FBN1: variants seen among roughly 807,000 people sequenced by gnomAD.
The protein encoded by FBN1 is fibrillin-1.
Under a neutral mutation model 365.1 loss-of-function variants are expected in FBN1, and 29 were observed. The observed-to-expected ratio is 0.08, with a 90% CI of 0.06 to 0.11. The LOEUF (loss-of-function observed/expected upper bound fraction) is 0.11, where lower values mean the gene tolerates loss of function less well. Among genes scored for constraint, FBN1 ranks in the 10% least tolerant of loss-of-function variants. FBN1 has a pLI of 1.00. For synonymous variants in FBN1, 1,210 were observed against 1,270.5 expected (o/e 0.95, Z 1.01); for missense variants, 2,476 against 3,703.2 (o/e 0.67, Z 8.60).
Position 48,421,705 on chromosome 15 carries a change from G to A in FBN1, c.7571-19C>T, listed in dbSNP as rs760480978. ...TTGTTATCTATGAGAAGCAGTGGGG[G>A]CAAAGAGGGGTTAAAATTCCCCAAA... On this transcript the variant is annotated intron_variant, in intron 61 of 65. Coordinates refer to ENST00000316623, the MANE Select transcript of FBN1 (RefSeq NM_000138.5). The A allele has an allele frequency of 1.1e-5, 17 of 1,611,562 alleles. No homozygotes were observed. Among genetic ancestry groups the A allele is most frequent in the East Asian group, 2.2e-5 (1 of 44,852 alleles).
At chr15:48,476,477 A>G (rs758037835) in intron 32 of FBN1, among the ~76,000 whole-genome samples, 3 of 152,172 alleles carry the variant, frequency 2.0e-5, no homozygotes, top group Non-Finnish European at 4.4e-5. Flanking sequence ...GAAGAAGACA[A>G]AGAAGTTGGG....
At chr15:48,602,408 G>A (rs1249296276) in intron 4 of FBN1, among the ~76,000 whole-genome samples, 2 of 152,110 alleles carry the variant, frequency 1.3e-5, no homozygotes, top group East Asian at 3.9e-4. Context: ...CCTCTTAAGT[G>A]CCTAGAGTAG....
chr15:48,495,516 T>C lies in FBN1; in HGVS notation c.2492A>G (p.Glu831Gly). The C allele has an allele frequency of 6.2e-7, 1 of 1,614,062 alleles. No individual in the cohort carries two copies. The highest frequency in any genetic ancestry group is 1.1e-5 in the South Asian group (1 of 91,068). Residue 831 changes from glutamate to glycine, a missense_variant, in exon 21 of 66, where the codon GAA becomes GGA. Glu to Gly is a moderately conservative substitution (Grantham distance 98). Transcript: ENST00000316623. ...ATCCAAAGTACTTTCAGAAGAACAT[T>C]CACAAATAAAAGAGCCTGGGCTGTT... ...CKNSPGSFIC[E>G]CSSESTLDPT...
At chr15:48,428,967 C>T (rs562181431) in intron 56 of FBN1, among the ~76,000 whole-genome samples, 3 of 152,336 alleles carry the variant, frequency 2.0e-5, no homozygotes, top group South Asian at 4.1e-4. Context: ...TCTAATGTAT[C>T]CTTCCAGAGC....
intron 4 of FBN1, among the ~76,000 whole-genome samples, chr15:48,610,118 C>T (rs1416088660): frequency 3.9e-5 from 6 of 152,120 alleles, no homozygotes; most frequent in Non-Finnish European, 7.3e-5. Flanking sequence ...CCAATTATGA[C>T]TCACTTGCCC....
chr15:48,434,540 A>G (rs564543637), intron 54 of FBN1, 54 bp downstream of exon 54: 8 of 1,609,418 alleles, frequency 5.0e-6, no homozygotes, highest in East Asian at 2.2e-5. Flanking sequence ...TAATCAACCA[A>G]TTGTTCCCAG....
chr15:48,610,210 A>C (rs1262233079), intron 4 of FBN1, among the ~76,000 whole-genome samples: 3 of 152,234 alleles, frequency 2.0e-5, no homozygotes, highest in Non-Finnish European at 4.4e-5. Context: ...GCATCACAGA[A>C]AGTGGCAACA....
chr15:48,602,600 T>C (rs950443318), intron 4 of FBN1, among the ~76,000 whole-genome samples: 1 of 152,222 alleles, frequency 6.6e-6, no homozygotes, highest in African/African-American at 2.4e-5. Flanking sequence ...ATTAAAAATA[T>C]TTTTATCTTT....
chr15:48,487,864 C>T (rs532659837), intron 27 of FBN1, among the ~76,000 whole-genome samples: 12 of 152,260 alleles, frequency 7.9e-5, no homozygotes, highest in Admixed American at 4.6e-4. Context: ...TCCTCTCTTC[C>T]GCCTGGGTAT....
intron 6 of FBN1, among the ~76,000 whole-genome samples, chr15:48,543,868 C>T (rs368547370): frequency 9.2e-5 from 14 of 152,124 alleles, no homozygotes; most frequent in African/African-American, 3.4e-4. Context: ...GTCCTTAGTG[C>T]TTAGAGGTGA....
intron 32 of FBN1, among the ~76,000 whole-genome samples, chr15:48,479,019 C>CTAAA (rs1332067866): frequency 1.3e-5 from 2 of 152,128 alleles, no homozygotes; most frequent in African/African-American, 2.4e-5. Flanking sequence ...AATAATCTAT[C>CTAAA]TAAATAAATA....
chr15:48,535,761 A>G (rs2044008026), intron 7 of FBN1, among the ~76,000 whole-genome samples: 1 of 152,232 alleles, frequency 6.6e-6, no homozygotes, highest in African/African-American at 2.4e-5. Context: ...AAATATCTTA[A>G]CCCACAGATA....
intron 6 of FBN1, among the ~76,000 whole-genome samples, chr15:48,571,727 G>A (rs1275783954): frequency 1.3e-5 from 2 of 152,094 alleles, no homozygotes; most frequent in Non-Finnish European, 2.9e-5. Context: ...TAGGTAGTAA[G>A]GGCTTTAAAG....
At chr15:48,565,625 TAA>T (rs35240803) in intron 6 of FBN1, among the ~76,000 whole-genome samples, 4,177 of 138,908 alleles carry the variant, frequency 0.03, 218 homozygotes, top group African/African-American at 0.1. Context: ...TTCAATGTGA[TAA>T]AAAAAAAAAA....
intron 6 of FBN1, among the ~76,000 whole-genome samples, chr15:48,557,512 C>A (rs1382157397): frequency 6.6e-6 from 1 of 152,164 alleles, no homozygotes; most frequent in Non-Finnish European, 1.5e-5. Flanking sequence ...CAGGTTTAAA[C>A]CAGGTCAGCC....
At chr15:48,519,865 A>C (rs1412657076) in intron 10 of FBN1, among the ~76,000 whole-genome samples, 2 of 152,226 alleles carry the variant, frequency 1.3e-5, no homozygotes, top group African/African-American at 4.8e-5. Flanking sequence ...AATGGAGTGA[A>C]TTGGCCACTA....
intron 7 of FBN1, among the ~76,000 whole-genome samples, chr15:48,536,117 AAACAACAAC>A (rs143695848): frequency 5.0e-4 from 74 of 148,508 alleles, no homozygotes; most frequent in South Asian, 4.4e-3. Flanking sequence ...CTCTTAGAAA[AAACAACAAC>A]AACAACAACA....
Position 48,452,543 on chromosome 15 carries a change from C to G in FBN1, c.5545+19G>C, listed in dbSNP as rs375420273. 1.9e-6 allele frequency: 3 copies of G among 1,613,978 alleles called. No homozygotes were observed. In the South Asian group the frequency reaches 3.3e-5, roughly 18 times the overall value. ...CAAACTCTTGGGTAGGCATGTCCAG[C>G]CTGTGGGGCACTACATACCATTGCA... On this transcript the variant is annotated intron_variant, in intron 45 of 65. Coordinates refer to ENST00000316623, the MANE Select transcript of FBN1 (RefSeq NM_000138.5).
chr15:48,489,556 T>C (rs971167787), intron 25 of FBN1, among the ~76,000 whole-genome samples: 1 of 152,154 alleles, frequency 6.6e-6, no homozygotes, highest in Non-Finnish European at 1.5e-5. Context: ...TGAATTACCA[T>C]AGCTTTTGGA....
Sources: gnomAD v4.1 joint callset for allele counts (sites outside exome capture counted in the v4.1 genomes callset) on GRCh38, gnomAD v4.1.1 for gene constraint, MANE v1.5 for transcripts, NCBI Gene and HGNC (gene_info 2026-07-23, HGNC 2026-07-21) for gene names.